Variants in METTL9 observed in about 807,000 individuals in gnomAD.
METTL9 encodes the protein protein-L-histidine N-pros-methyltransferase.
Under a neutral mutation model 36.0 loss-of-function variants are expected in METTL9, and 10 were observed. That is an observed-to-expected ratio of 0.28 (90% CI 0.17 to 0.47). The LOEUF (loss-of-function observed/expected upper bound fraction) is 0.47, where lower values mean the gene tolerates loss of function less well. Ranked by LOEUF, METTL9 falls within the 20% of genes least tolerant of loss-of-function variation. The pLI, the probability that METTL9 is intolerant of heterozygous loss-of-function variation, is 0.99. For synonymous variants in METTL9, 175 were observed against 149.7 expected (o/e 1.17, Z -1.23); for missense variants, 246 against 383.5 (o/e 0.64, Z 3.00).
chr16:21,638,011 A>G (rs1966149127), intron 4 of METTL9, among the ~76,000 whole-genome samples: 1 of 152,228 alleles, frequency 6.6e-6, no homozygotes, highest in Non-Finnish European at 1.5e-5. Context: ...AGGAAACCCA[A>G]ATCTAAACAG....
At position 21,612,824 on chromosome 16, in the gene METTL9, A is replaced by G. The variant is rs141780002; in HGVS notation, c.345A>G (p.Thr115=). ...SSVFSLFMSR[T]SINGLLGRGS... ...TTTTTAGCCTGTTTATGTCTAGAACATCTATCAATGGGTAAGTGAATCTTG... is the reference window on the plus strand; with the variant it reads ...TTTTTAGCCTGTTTATGTCTAGAACGTCTATCAATGGGTAAGTGAATCTTG... The change falls in exon 2 of 5, where the codon ACA becomes ACG. Residue 115 remains threonine, a synonymous_variant. Transcript: ENST00000358154. The G allele has an allele frequency of 6.2e-4, 983 of 1,597,488 alleles. 3 individuals are homozygous for G. The African/African-American group carries it at 8.7e-3, about 14-fold the overall frequency.
intron 4 of METTL9, chr16:21,642,036 G>A (rs1376363890): frequency 6.6e-6 from 1 of 152,414 alleles, no homozygotes; most frequent in Non-Finnish European, 1.5e-5. Context: ...AAAATCCTTT[G>A]TGAAAGTTAG....
At chr16:21,622,684 G>A (rs1965734332) in intron 3 of METTL9, among the ~76,000 whole-genome samples, 1 of 152,302 alleles carries the variant, frequency 6.6e-6, no homozygotes, top group Admixed American at 6.5e-5. Context: ...ACAGAAGTAA[G>A]AATGCACTTG....
chr16:21,609,598 G>A (rs1201020015), intron 1 of METTL9, among the ~76,000 whole-genome samples: 5 of 152,228 alleles, frequency 3.3e-5, no homozygotes, highest in South Asian at 4.1e-4. Flanking sequence ...GGGTTAGGTG[G>A]TGGGAAATGT....
chr16:21,652,921 T>A (rs1317872617), intron 4 of METTL9: 3 of 270,490 alleles, frequency 1.1e-5, no homozygotes, highest in Non-Finnish European at 2.1e-5. Context: ...GTACTTGGAT[T>A]TTTCAGAACA....
intron 4 of METTL9, chr16:21,641,585 A>G (rs143990839): frequency 1.1e-4 from 181 of 1,574,446 alleles, no homozygotes; most frequent in Middle Eastern, 5.0e-4. Context: ...AAGTGTTGTT[A>G]TCTTTCTCCT....
chr16:21,636,401 T>C (rs1283435903), intron 4 of METTL9, among the ~76,000 whole-genome samples: 1 of 152,066 alleles, frequency 6.6e-6, no homozygotes, highest in Non-Finnish European at 1.5e-5. Flanking sequence ...ATCATCCTCA[T>C]AGGAGAAACT....
intron 4 of METTL9, among the ~76,000 whole-genome samples, chr16:21,650,908 A>G (rs527766779): frequency 8.5e-5 from 13 of 152,168 alleles, no homozygotes; most frequent in Admixed American, 2.0e-4. Context: ...GGGAATAGAA[A>G]GATTATTCTT....
chr16:21,656,185 A>AC lies in METTL9; in HGVS notation c.*760dup, dbSNP rs572572480. The AC allele has an allele frequency of 2.2e-4, 9 of 41,054 alleles. No individual in the cohort carries two copies. The highest frequency in any genetic ancestry group is 0.014 in the Middle Eastern group (1 of 74). 2.5% of individuals were successfully genotyped at this position (41,054 alleles called of 1,614,324 possible). A position where few individuals can be genotyped will look rare whatever the true frequency, so the allele number is the denominator to read the frequency against. On this transcript the variant is annotated 3_prime_UTR_variant, in exon 5 of 5. Transcript: ENST00000358154. ...CAGAACTTCAGGGACCCCTCCCCCC[A>AC]CCCCCCCAGTTAATGCTGCTGTGAA...
chr16:21,619,419 A>G (rs199692034), intron 3 of METTL9, among the ~76,000 whole-genome samples: 3 of 53,878 alleles, frequency 5.6e-5, no homozygotes, highest in African/African-American at 2.5e-4. Context: ...AAGACTAGGA[A>G]GAAGGGCCTT....
rs141420419 is a variant in METTL9, at chr16:21,625,584, GTGT to G, written c.751+475_751+477del. Among the ~76,000 whole-genome samples, 1,352 of 152,176 alleles carry G rather than the reference GTGT, an allele frequency of 8.9e-3. 47 individuals are homozygous for G. The highest frequency in any genetic ancestry group is 0.083 in the East Asian group (429 of 5,178). On this transcript the variant is annotated intron_variant, in intron 4 of 4. Transcript: ENST00000358154. ...TTTTTTTCTCTTTTGAAGACCATGT[GTGT>G]TGTTGCAGCATGTATCATTTCTTTC...
intron 1 of METTL9, among the ~76,000 whole-genome samples, 158 bp from the exon 2 acceptor site, chr16:21,612,487 A>G (rs1160651527): frequency 6.6e-6 from 1 of 152,188 alleles, no homozygotes; most frequent in African/African-American, 2.4e-5. Flanking sequence ...TATAGGTTAT[A>G]TGAGTATACG....
intron 4 of METTL9, among the ~76,000 whole-genome samples, chr16:21,632,130 G>A (rs749179418): frequency 5.3e-5 from 8 of 152,068 alleles, no homozygotes; most frequent in Non-Finnish European, 8.8e-5. Context: ...GCCTCCTTGG[G>A]TTTTTGCACT....
chr16:21,644,318 A>G (rs1161229294), intron 4 of METTL9: 2 of 1,613,834 alleles, frequency 1.2e-6, no homozygotes, highest in East Asian at 2.2e-5. Context: ...GGCCACGCAC[A>G]CACCGGTCAC....
chr16:21,638,688 G>T (rs1319622109), intron 4 of METTL9, among the ~76,000 whole-genome samples: 1 of 152,180 alleles, frequency 6.6e-6, no homozygotes, highest in Non-Finnish European at 1.5e-5. Context: ...GAGACGAATA[G>T]ATCTGTTAGC....
At chr16:21,609,415 C>T (rs1043974196) in intron 1 of METTL9, among the ~76,000 whole-genome samples, 1 of 152,068 alleles carries the variant, frequency 6.6e-6, no homozygotes, top group Non-Finnish European at 1.5e-5. Flanking sequence ...CGATTGTCTA[C>T]AATTATTCAA....
chr16:21,617,835 A>C, intron 2 of METTL9, 30 bp from the exon 3 acceptor site: 1 of 1,590,574 alleles, frequency 6.3e-7, no homozygotes, highest in Non-Finnish European at 8.6e-7. Context: ...TTGCATAGAC[A>C]CTTCCATTTT....
At chr16:21,649,034 A>G (rs1216569412) in intron 4 of METTL9, among the ~76,000 whole-genome samples, 1 of 152,050 alleles carries the variant, frequency 6.6e-6, no homozygotes, top group African/African-American at 2.4e-5. Flanking sequence ...TCTGTCTCCC[A>G]GGCTGGAGTG....
rs1965597924 is a variant in METTL9 at position 21,618,069 on chromosome 16, A to T, written c.561A>T (p.Lys187Asn). The change falls in exon 3 of 5, where the codon AAA becomes AAT. Residue 187 changes from lysine (K) to asparagine (N), a missense_variant. Transcript: ENST00000358154. ...TGATATGGCAGCTTCAGAAAAAGAA[A>T]TACAGGTATAATTTTCTTGGTTTTA... ...ETMIWQLQKK[K>N]YRVLGINEWQ... 1 of 1,557,726 alleles carries T rather than the reference A, an allele frequency of 6.4e-7. No homozygotes were observed. The highest frequency in any genetic ancestry group is 8.6e-7 in the Non-Finnish European group (1 of 1,158,474).
Sources: gnomAD v4.1 joint callset for allele counts (sites outside exome capture counted in the v4.1 genomes callset) on GRCh38, gnomAD v4.1.1 for gene constraint, MANE v1.5 for transcripts, NCBI Gene and HGNC (gene_info 2026-07-23, HGNC 2026-07-21) for gene names.